RGS12: variants seen among roughly 807,000 people sequenced by gnomAD.
RGS12 encodes regulator of G-protein signaling 12.
Under a neutral mutation model 120.1 loss-of-function variants are expected in RGS12, and 66 were observed. The observed-to-expected ratio is 0.55, with a 90% CI of 0.45 to 0.67. The LOEUF is 0.67. Among genes scored for constraint, RGS12 ranks in the 30% least tolerant of loss-of-function variants. The pLI, the probability that RGS12 is intolerant of heterozygous loss-of-function variation, is 0.00. For missense variants in RGS12, 1,859 were observed against 1,957.7 expected (o/e 0.95, Z 0.95); for synonymous variants, 827 against 804.7 (o/e 1.03, Z -0.47).
chr4:3,359,875 A>G (rs113390633), intron 3 of RGS12, among the ~76,000 whole-genome samples: 4,610 of 152,098 alleles, frequency 0.03, 211 homozygotes, highest in African/African-American at 0.099. Flanking sequence ...CGCCCACCTC[A>G]GCCTCCCAAA....
chr4:3,408,670 C>T (rs749788097), intron 4 of RGS12, among the ~76,000 whole-genome samples: 11 of 152,280 alleles, frequency 7.2e-5, no homozygotes, highest in African/African-American at 1.9e-4. Context: ...TCTGTGCCCT[C>T]GGGAAGCTGA....
chr4:3,379,123 CAT>C (rs557599617), intron 3 of RGS12, among the ~76,000 whole-genome samples: 62 of 152,016 alleles, frequency 4.1e-4, no homozygotes, highest in African/African-American at 6.0e-4. Flanking sequence ...TGAAGCCAAA[CAT>C]GTGTGGCTTC....
At chr4:3,381,340 C>T (rs1718235234) in intron 3 of RGS12, among the ~76,000 whole-genome samples, 1 of 152,340 alleles carries the variant, frequency 6.6e-6, no homozygotes, top group Non-Finnish European at 1.5e-5. Context: ...CTGCCTGTTA[C>T]CCAGTTCCAA....
intron 13 of RGS12, among the ~76,000 whole-genome samples, chr4:3,424,581 C>T (rs934524052): frequency 2.6e-5 from 4 of 152,158 alleles, no homozygotes; most frequent in Admixed American, 6.5e-5. Context: ...TGGGGTTGGT[C>T]GTGGCAGCGT....
intron 3 of RGS12, among the ~76,000 whole-genome samples, chr4:3,363,044 G>GGTGTGT (rs759503590): frequency 2.4e-4 from 36 of 150,876 alleles, no homozygotes; most frequent in African/African-American, 8.8e-4. Flanking sequence ...GGAACGCGAG[G>GGTGTGT]GTGTATGTGT....
chr4:3,402,093 G>C (rs190835006), intron 4 of RGS12, among the ~76,000 whole-genome samples: 271 of 152,364 alleles, frequency 1.8e-3, no homozygotes, highest in Non-Finnish European at 2.6e-3. Context: ...ATGGTGACCA[G>C]ATTTTTGGAA....
intron 3 of RGS12, among the ~76,000 whole-genome samples, chr4:3,361,709 C>G (rs1172581570): frequency 1.3e-5 from 2 of 152,186 alleles, no homozygotes; most frequent in African/African-American, 4.8e-5. Flanking sequence ...CTGGGAATTG[C>G]AGGGGCGAGT....
intron 4 of RGS12, among the ~76,000 whole-genome samples, chr4:3,387,559 C>G (rs988146880): frequency 6.6e-6 from 1 of 152,158 alleles, no homozygotes; most frequent in African/African-American, 2.4e-5. Flanking sequence ...TCCCGACACT[C>G]GTGTGGTGGA....
At chr4:3,343,372 C>T (rs1235792592) in intron 3 of RGS12, among the ~76,000 whole-genome samples, 2 of 152,204 alleles carry the variant, frequency 1.3e-5, no homozygotes, top group Admixed American at 6.5e-5. Flanking sequence ...CCCTTAAAGA[C>T]GGGGCGTGAT....
At chr4:3,418,537 G>A (rs1166940286) in intron 9 of RGS12, 2 of 152,352 alleles carry the variant, frequency 1.3e-5, no homozygotes, top group African/African-American at 4.8e-5. Flanking sequence ...AGGGTGCTCT[G>A]CGCTCCGTGG....
At chr4:3,342,862 C>A in intron 2 of RGS12, 75 bp from the exon 3 acceptor site, 2 of 952,174 alleles carry the variant, frequency 2.1e-6, no homozygotes, top group Non-Finnish European at 3.4e-6. Flanking sequence ...TGATTTTCTG[C>A]TATGCCATGC....
At chr4:3,417,167 A>G in intron 8 of RGS12, 75 bp downstream of exon 8, 1 of 1,452,102 alleles carries the variant, frequency 6.9e-7, no homozygotes, top group Non-Finnish European at 9.2e-7. Context: ...GTGGGGAGTG[A>G]AAAGAGGCCC....
chr4:3,318,123 C>G (rs949478071), intron 2 of RGS12, 72 bp downstream of exon 2: 1 of 1,238,142 alleles, frequency 8.1e-7, no homozygotes, highest in Non-Finnish European at 1.1e-6. Context: ...AGGTGACTCC[C>G]AGTCACCAGC....
chr4:3,327,185 A>G (rs1725602010), intron 2 of RGS12, among the ~76,000 whole-genome samples: 1 of 152,242 alleles, frequency 6.6e-6, no homozygotes, highest in Non-Finnish European at 1.5e-5. Context: ...ACGAGAGCAT[A>G]CAATGGGGAA....
At chr4:3,287,296 T>A in the RGS12 span, among the ~76,000 whole-genome samples, 2 of 152,158 alleles carry the variant, frequency 1.3e-5, no homozygotes, top group African/African-American at 4.8e-5. Context: ...ACGTTTATTT[T>A]CTGTAAAGGA....
chr4:3,403,240 GA>G (rs750133746), intron 4 of RGS12, among the ~76,000 whole-genome samples: 60 of 152,226 alleles, frequency 3.9e-4, no homozygotes, highest in Non-Finnish European at 6.8e-4. Context: ...TTCTAGTACT[GA>G]CTCCAGGAAA....
chr4:3,343,960 A>G (rs1261440454), intron 3 of RGS12, among the ~76,000 whole-genome samples: 1 of 152,254 alleles, frequency 6.6e-6, no homozygotes, highest in Non-Finnish European at 1.5e-5. Flanking sequence ...CTATGAGTAT[A>G]TGACGATGAT....
rs1354021183 is a variant in RGS12, at chr4:3,316,241, A to ATCTC, written c.71_72insTCTC (p.Glu24AspfsTer47). The ATCTC allele has an allele frequency of 6.2e-7, 1 of 1,612,956 alleles. No individual in the cohort carries two copies. Among genetic ancestry groups the ATCTC allele is most frequent in the South Asian group, 1.1e-5 (1 of 90,892 alleles). On this transcript the variant is annotated frameshift_variant, in exon 2 of 18. Coordinates refer to ENST00000336727, the MANE Select transcript of RGS12 (RefSeq NM_001394154.1). LOFTEE classifies it high-confidence loss of function. Reference sequence around the variant, plus strand: ...TCGCCCCCAAGGGTGCGGAGTGTGGAGGTTGCCCGGGGGAGGGCCGGCTAC... The same window carrying ATCTC: ...TCGCCCCCAAGGGTGCGGAGTGTGGATCTCGGTTGCCCGGGGGAGGGCCGGCTAC...
chr4:3,407,171 A>C (rs528800793), intron 4 of RGS12, among the ~76,000 whole-genome samples: 10 of 152,170 alleles, frequency 6.6e-5, no homozygotes, highest in African/African-American at 2.4e-4. Flanking sequence ...TTCCATCTGC[A>C]GTGTTTATGC....
Sources: allele counts gnomAD v4.1 joint callset (sites outside exome capture counted in the v4.1 genomes callset), GRCh38; gene constraint gnomAD v4.1.1; transcripts MANE v1.5; gene names NCBI Gene and HGNC (gene_info 2026-07-23, HGNC 2026-07-21).